The following MGST2 variants were observed in gnomAD, a reference collection of about 807,000 sequenced individuals.
The protein encoded by MGST2 is glutathione peroxidase MGST2.
In MGST2, 9 loss-of-function variants were observed where a neutral mutation model predicts 16.6. The observed-to-expected ratio is 0.54, with a 90% CI of 0.33 to 0.95. The LOEUF is 0.95. MGST2 is among the 40% of genes least tolerant of loss of function. The pLI is 0.03. For missense variants in MGST2, 159 were observed against 175.1 expected (o/e 0.91, Z 0.52); for synonymous variants, 79 against 68.0 (o/e 1.16, Z -0.79).
intron 2 of MGST2, among the ~76,000 whole-genome samples, chr4:139,690,880 C>T (rs8192087): frequency 0.033 from 4,985 of 152,242 alleles, 192 homozygotes; most frequent in East Asian, 0.2. Flanking sequence ...TAGTCCTGAG[C>T]CCCCAGGGCC....
intron 1 of MGST2, among the ~76,000 whole-genome samples, chr4:139,668,060 C>A (rs1730466575): frequency 6.6e-6 from 1 of 152,118 alleles, no homozygotes; most frequent in African/African-American, 2.4e-5. Flanking sequence ...GTAAGATGTA[C>A]ATTAGTTTGG....
chr4:139,753,252 A>T, the MGST2 span, among the ~76,000 whole-genome samples: 6 of 152,200 alleles, frequency 3.9e-5, no homozygotes, highest in African/African-American at 1.4e-4. Context: ...GATCGATACC[A>T]TGATCTATTT....
At position 139,678,571 on chromosome 4, in the gene MGST2, A is replaced by C; in HGVS notation, c.87A>C (p.Ala29=). Reference sequence around the variant, plus strand: ...ATTTTGCTTTGCAAGTTGGAAAGGCAAGATTAAAATACAAAGTTACGCCCC... The same window carrying C: ...ATTTTGCTTTGCAAGTTGGAAAGGCCAGATTAAAATACAAAGTTACGCCCC... ...QSYFALQVGK[A]RLKYKVTPPA... Residue 29 remains alanine (A), a synonymous_variant, in exon 2 of 5, where the codon GCA becomes GCC. Transcript: ENST00000265498. 2 of 1,614,136 alleles carry C rather than the reference A, an allele frequency of 1.2e-6. No individual in the cohort carries two copies. The highest frequency in any genetic ancestry group is 8.5e-7 in the Non-Finnish European group (1 of 1,179,986).
At chr4:139,686,159 G>C (rs191872667) in intron 2 of MGST2, among the ~76,000 whole-genome samples, 2 of 152,254 alleles carry the variant, frequency 1.3e-5, no homozygotes, top group African/African-American at 4.8e-5. Flanking sequence ...TGTGAAGTGT[G>C]GTGGGGTGGG....
At chr4:139,749,291 A>G in the MGST2 span, among the ~76,000 whole-genome samples, 1 of 152,234 alleles carries the variant, frequency 6.6e-6, no homozygotes, top group Admixed American at 6.5e-5. Flanking sequence ...CATGAAATAT[A>G]TATTAAATGC....
the MGST2 span, among the ~76,000 whole-genome samples, chr4:139,751,250 G>A: frequency 6.6e-6 from 1 of 152,270 alleles, no homozygotes; most frequent in East Asian, 1.9e-4. Context: ...ATTACTTGGA[G>A]TAGTCTAACA....
Position 139,678,552 on chromosome 4 carries a change from CT to C in MGST2, c.71del (p.Leu24CysfsTer8). ...TTCCCTTTACTTGCAGGTTATTTTG[CT>C]TTGCAAGTTGGAAAGGCAAGATTAA... The part of the protein sequence containing the change: ...ILSACQQSYF[A>X]LQVGKARLKY... On this transcript the variant is annotated frameshift_variant, in exon 2 of 5. Coordinates refer to ENST00000265498, the MANE Select transcript of MGST2 (RefSeq NM_002413.5). LOFTEE classifies it high-confidence loss of function. 6.2e-7 allele frequency: 1 copy of C among 1,613,722 alleles called. No homozygotes were observed. Among genetic ancestry groups the C allele is most frequent in the African/African-American group, 1.3e-5 (1 of 75,034 alleles).
chr4:139,747,931 A>G, the MGST2 span, among the ~76,000 whole-genome samples: 1 of 141,750 alleles, frequency 7.1e-6, no homozygotes, highest in East Asian at 2.3e-4. Flanking sequence ...GTGGATGCCT[A>G]TAATCCCAGC....
intron 5 of MGST2, among the ~76,000 whole-genome samples, chr4:139,722,794 C>G (rs1268010573): frequency 6.6e-6 from 1 of 152,208 alleles, no homozygotes; most frequent in Non-Finnish European, 1.5e-5. Context: ...CAAAACTTCT[C>G]TCCAAGAATG....
the MGST2 span, among the ~76,000 whole-genome samples, chr4:139,753,636 A>G: frequency 6.6e-6 from 1 of 152,232 alleles, no homozygotes; most frequent in African/African-American, 2.4e-5. Context: ...CAGATCTTTT[A>G]TGCTCCTTCC....
chr4:139,730,923 TG>T, intron 5 of MGST2: 1 of 546,986 alleles, frequency 1.8e-6, no homozygotes, highest in East Asian at 3.0e-5. Context: ...CTGTTTCGGA[TG>T]GGACTGACTA....
intron 2 of MGST2, among the ~76,000 whole-genome samples, chr4:139,680,063 A>T (rs1215059357): frequency 6.6e-6 from 1 of 152,146 alleles, no homozygotes; most frequent in Non-Finnish European, 1.5e-5. Context: ...TGTATTTCTA[A>T]ACATTATACT....
rs1461102523 is a variant in MGST2 at position 139,715,574 on chromosome 4, G to C, written c.*48+11378G>C. The stretch of plus-strand genomic sequence containing the variant: ...GGAATAAAAGAATGGCTACTCCATA[G>C]AGCAGCCCCGAGGGCTGCTGGTTGT... On this transcript the variant is annotated intron_variant, in intron 5 of 5. Coordinates refer to the MGST2 transcript ENST00000616265. This position sits in a 1 kb window ranked among gnomAD's most constrained non-coding sequence, Gnocchi z 4.4. 1.3e-5 allele frequency among the ~76,000 whole-genome samples: 2 copies of C among 152,334 alleles called. No homozygotes were observed. Among genetic ancestry groups the C allele is most frequent in the East Asian group, 3.9e-4 (2 of 5,174 alleles).
Sources: gnomAD v4.1 joint callset for allele counts (sites outside exome capture counted in the v4.1 genomes callset) on GRCh38, gnomAD v4.1.1 for gene constraint, Gnocchi (gnomAD v3.1) non-coding constraint, MANE v1.5 for transcripts, NCBI Gene and HGNC (gene_info 2026-07-23, HGNC 2026-07-21) for gene names.